The following CLPX variants were observed in gnomAD, a reference collection of about 807,000 sequenced individuals.
The protein encoded by CLPX is caseinolytic mitochondrial matrix peptidase chaperone subunit X, also known as ATP-dependent clpX-like chaperone, mitochondrial.
In CLPX, 34 loss-of-function variants were observed where a neutral mutation model predicts 76.4. The ratio of observed to expected loss-of-function variants is 0.45; its 90% CI spans 0.34 to 0.59. The LOEUF (loss-of-function observed/expected upper bound fraction) is 0.59. Ranked by LOEUF, CLPX falls within the 20% of genes least tolerant of loss-of-function variation. The pLI is 0.01. For missense variants in CLPX, 613 were observed against 757.0 expected (o/e 0.81, Z 2.23); for synonymous variants, 248 against 270.9 (o/e 0.92, Z 0.83).
intron 6 of CLPX, among the ~76,000 whole-genome samples, chr15:65,161,400 A>G (rs192314545): frequency 6.6e-6 from 1 of 152,358 alleles, no homozygotes; most frequent in East Asian, 1.9e-4. Flanking sequence ...ACCCCCAGCC[A>G]GTGTTAGTTA....
At chr15:65,183,880 A>G (rs1362657541) in intron 1 of CLPX, among the ~76,000 whole-genome samples, 2 of 152,374 alleles carry the variant, frequency 1.3e-5, no homozygotes, top group Non-Finnish European at 2.9e-5. Flanking sequence ...ATATTAATAT[A>G]TATCAGATAA....
intron 6 of CLPX, among the ~76,000 whole-genome samples, chr15:65,160,208 A>G (rs1381378714): frequency 1.3e-5 from 2 of 152,216 alleles, no homozygotes; most frequent in Non-Finnish European, 2.9e-5. Context: ...AGACATATCT[A>G]TTATCATAGT....
At position 65,149,681 on chromosome 15, in the gene CLPX, G is replaced by A. The variant is rs1595934293; in HGVS notation, c.*1142C>T. On this transcript the variant is annotated 3_prime_UTR_variant, in exon 14 of 14. Coordinates refer to ENST00000300107, the MANE Select transcript of CLPX (RefSeq NM_006660.5). ...TACAGACTAGCCTGGCCAACAGGGT[G>A]AAACCCTGTCTCTACTAAAAATACA... 2.8e-6 allele frequency: 1 copy of A among 355,724 alleles called. No individual in the cohort carries two copies. The highest frequency in any genetic ancestry group is 5.4e-6 in the Non-Finnish European group (1 of 184,434). The allele number at this position is 355,724 out of a possible 1,614,324, so 22.0% of individuals were successfully genotyped here.
Position 65,185,203 on chromosome 15 carries a change from C to T in CLPX, c.-50G>A, listed in dbSNP as rs1402329132. On this transcript the variant is annotated 5_prime_UTR_variant, in exon 1 of 14. In the 5' UTR this introduces an upstream ATG that the reference lacks. Transcript: ENST00000300107. ...TCGCCCCCTGAGGACCTCCGGGTCA[C>T]AGCGGCGTGAATCCTGCCCGCAAGG... 2 of 1,468,624 alleles carry T rather than the reference C, an allele frequency of 1.4e-6. No homozygotes were observed. Among genetic ancestry groups the T allele is most frequent in the Non-Finnish European group, 1.9e-6 (2 of 1,075,372 alleles). The allele number at this position is 1,468,624 out of a possible 1,614,324, so 91.0% of individuals were successfully genotyped here.
chr15:65,166,925 A>G (rs1433615541), intron 3 of CLPX, 140 bp from the exon 4 acceptor site: 14 of 749,368 alleles, frequency 1.9e-5, no homozygotes, highest in Non-Finnish European at 2.7e-5. Context: ...CCACACAAAC[A>G]GCCTCATTTA....
chr15:65,166,548 G>T (rs766239247), intron 4 of CLPX, 83 bp downstream of exon 4: 46 of 1,377,894 alleles, frequency 3.3e-5, no homozygotes, highest in Non-Finnish European at 4.3e-5. Context: ...ACTAGTATTA[G>T]GATTCAGTGT....
chr15:65,157,524 G>C (rs1395603945), intron 8 of CLPX, among the ~76,000 whole-genome samples: 1 of 152,208 alleles, frequency 6.6e-6, no homozygotes, highest in Non-Finnish European at 1.5e-5. Context: ...TAATAGGACA[G>C]TAATTTGGCT....
rs1006264720 is a variant in CLPX at position 65,152,439 on chromosome 15, C to T, written c.1802G>A (p.Gly601Glu). ...KEVVEGKKEP[G>E]YIRAPTKESS... ...TGAAAATACACTTTACCGGATGTAT[C>T]CTGGTTCCTTTTTTCCTTCTACTAC... The change falls in exon 13 of 14, where the codon GGA (glycine) becomes GAA (glutamate). Residue 601 changes from glycine to glutamate, a missense_variant. Physicochemically the swap from Gly to Glu is moderately conservative, Grantham distance 98. Transcript: ENST00000300107. The T allele has an allele frequency of 6.5e-7, 1 of 1,528,656 alleles. No homozygotes were observed. The highest frequency in any genetic ancestry group is 8.8e-7 in the Non-Finnish European group (1 of 1,131,550). 94.7% of individuals were successfully genotyped at this position (1,528,656 alleles called of 1,614,324 possible). A position where few individuals can be genotyped will look rare whatever the true frequency, so the allele number is the denominator to read the frequency against.
At chr15:65,165,180 T>C (rs897138055) in intron 4 of CLPX, among the ~76,000 whole-genome samples, 3 of 151,676 alleles carry the variant, frequency 2.0e-5, no homozygotes, top group Non-Finnish European at 4.4e-5. Flanking sequence ...CTACAGAAAT[T>C]AGCTGGGCAT....
intron 3 of CLPX, among the ~76,000 whole-genome samples, chr15:65,172,156 T>C (rs1177477270): frequency 2.0e-5 from 3 of 151,272 alleles, no homozygotes; most frequent in Non-Finnish European, 4.4e-5. Flanking sequence ...AGAGATGGGG[T>C]TTCTCCATGT....
At position 65,156,878 on chromosome 15, in the gene CLPX, T is replaced by G. The variant is rs1163654766; in HGVS notation, c.1112A>C (p.Gln371Pro). ...DKIGSVPGIH[Q>P]LRDVGGEGVQ... ...GCCTTCTCCACCTACATCCCGTAAT[T>G]GATGAATGCCTGGCACACTGCCAAT... The change falls in exon 9 of 14, where the codon CAA becomes CCA. Residue 371 changes from glutamine (Q) to proline (P), a missense_variant. By Grantham distance (76) the Gln-to-Pro change is moderately conservative. Around this residue, in one of 2 missense-constraint regions of CLPX, gnomAD observed 450 missense variants for 638.6 expected, o/e 0.70. Coordinates refer to ENST00000300107, the MANE Select transcript of CLPX (RefSeq NM_006660.5). The G allele has an allele frequency of 2.5e-6, 4 of 1,613,486 alleles. No individual in the cohort carries two copies. Among genetic ancestry groups the G allele is most frequent in the Non-Finnish European group, 2.5e-6 (3 of 1,179,728 alleles).
Position 65,152,536 on chromosome 15 carries a change from C to A in CLPX, c.1705G>T (p.Glu569Ter). 1 of 1,483,386 alleles carries A rather than the reference C, an allele frequency of 6.7e-7. No homozygotes were observed. The highest frequency in any genetic ancestry group is 9.0e-7 in the Non-Finnish European group (1 of 1,106,596). The allele number at this position is 1,483,386 out of a possible 1,614,324, so 91.9% of individuals were successfully genotyped here. A position where few individuals can be genotyped will look rare whatever the true frequency, so the allele number is the denominator to read the frequency against. ...AACATTGGTTCTAGTAACAGCTTTT[C>A]CTAAAGAAATAAAAAGTAATGAATC... is the stretch of plus-strand genomic sequence containing the variant. ...TGARGLRSIM[E>*]KLLLEPMFEV... Residue 569 changes from glutamate (E) to a stop codon, truncating the protein, a stop_gained and splice_region_variant, in exon 13 of 14, where the codon GAA becomes TAA. Coordinates refer to ENST00000300107, the MANE Select transcript of CLPX (RefSeq NM_006660.5). LOFTEE classifies it high-confidence loss of function.
At chr15:65,185,011 A>G (rs2088236281) in intron 1 of CLPX, 64 bp downstream of exon 1, 3 of 1,414,312 alleles carry the variant, frequency 2.1e-6, no homozygotes, top group African/African-American at 1.4e-5. Context: ...GGGGCCCCCA[A>G]CCATTGGCCA....
chr15:65,173,340 C>G (rs1360713810), intron 3 of CLPX, among the ~76,000 whole-genome samples: 1 of 140,310 alleles, frequency 7.1e-6, no homozygotes, highest in Non-Finnish European at 1.5e-5. Flanking sequence ...GCACTCCAAC[C>G]TGGTGACAGA....
chr15:65,185,102 T>C lies in CLPX; in HGVS notation c.52A>G (p.Thr18Ala). Residue 18 changes from threonine (T) to alanine (A), a missense_variant, in exon 1 of 14, where the codon ACC (threonine) becomes GCC (alanine). Transcript: ENST00000300107. ...TCGAAAVRLI[T>A]SSLASAQRGI... is the part of the protein sequence containing the mutation. ...CTCTGCGCGGAGGCGAGTGAGGAGG[T>C]GATGAGCCGGACGGCCGCCGCGCCG... 1.9e-6 allele frequency: 3 copies of C among 1,566,612 alleles called. No individual in the cohort carries two copies. The highest frequency in any genetic ancestry group is 1.2e-5 in the South Asian group (1 of 85,878).
intron 1 of CLPX, among the ~76,000 whole-genome samples, chr15:65,183,388 G>A (rs1263678771): frequency 6.6e-6 from 1 of 150,562 alleles, no homozygotes; most frequent in African/African-American, 2.5e-5. Context: ...GTGAACCCAG[G>A]AGGCGGAGTT....
chr15:65,164,122 C>A lies in CLPX; in HGVS notation c.580G>T (p.Val194Leu). ...SFAKKVLSVA[V>L]YNHYKRIYNN... The stretch of plus-strand genomic sequence containing the variant: ...TATATTCTCTTATAATGATTGTACA[C>A]AGCAACTGAAAGCACCTTCTTAGCA... The change falls in exon 5 of 14, where the codon GTG becomes TTG. Residue 194 changes from valine (V) to leucine (L), a missense_variant. Val to Leu is a conservative substitution (Grantham distance 32). Transcript: ENST00000300107. 1 of 1,613,182 alleles carries A rather than the reference C, an allele frequency of 6.2e-7. No homozygotes were observed. Among genetic ancestry groups the A allele is most frequent in the East Asian group, 2.2e-5 (1 of 44,804 alleles).
Position 65,184,923 on chromosome 15 carries a change from G to A in CLPX, c.79+152C>T. The A allele has an allele frequency of 4.5e-6, 3 of 673,976 alleles. No individual in the cohort carries two copies. In the East Asian group the frequency reaches 8.4e-5, roughly 19 times the overall value. The allele number at this position is 673,976 out of a possible 1,614,324, so 41.7% of individuals were successfully genotyped here. On this transcript the variant is annotated intron_variant, in intron 1 of 13. Coordinates refer to ENST00000300107, the MANE Select transcript of CLPX (RefSeq NM_006660.5). ...GAGGTTGGCAGAGCCCCATTCCACG[G>A]GGAAAGTGGTGGGTGCCGGGCGAAG...
chr15:65,165,895 G>A (rs978843889), intron 4 of CLPX, among the ~76,000 whole-genome samples: 1 of 152,158 alleles, frequency 6.6e-6, no homozygotes, highest in African/African-American at 2.4e-5. Context: ...AGAGACAAAT[G>A]CACTGATATC....
Sources: allele counts gnomAD v4.1 joint callset (sites outside exome capture counted in the v4.1 genomes callset), GRCh38; gene constraint gnomAD v4.1.1; regional missense constraint gnomAD v4.1.1; transcripts MANE v1.5; gene names NCBI Gene and HGNC (gene_info 2026-07-23, HGNC 2026-07-21).